Variants in SMG6 observed in about 807,000 individuals in gnomAD.
SMG6 encodes the protein SMG6 nonsense mediated mRNA decay factor, also known as telomerase-binding protein EST1A.
SMG6 carries 66 observed loss-of-function variants against 142.2 expected under a neutral mutation model. That is an observed-to-expected ratio of 0.46 (90% CI 0.38 to 0.57). The LOEUF is 0.57. SMG6 is among the 20% of genes least tolerant of loss of function. The pLI, the probability that SMG6 is intolerant of heterozygous loss-of-function variation, is 0.00. For synonymous variants in SMG6, 779 were observed against 702.4 expected, an observed-to-expected ratio of 1.11 and a Z score of -1.72; for missense variants, 1,793 against 1,832.0, an observed-to-expected ratio of 0.98 and a Z score of 0.39.
chr17:2,282,264 T>A (rs2074803116), intron 8 of SMG6, among the ~76,000 whole-genome samples: 1 of 151,994 alleles, frequency 6.6e-6, no homozygotes, highest in South Asian at 2.1e-4. Flanking sequence ...CAAATCAGAC[T>A]AACTAACCTA....
intron 13 of SMG6, among the ~76,000 whole-genome samples, chr17:2,124,566 TC>T (rs2069810469): frequency 6.6e-6 from 1 of 152,152 alleles, no homozygotes; most frequent in African/African-American, 2.4e-5. Context: ...GGCATCTTCT[TC>T]CTGGAGAGCT....
At chr17:2,300,734 A>G in intron 1 of SMG6, 70 bp from the exon 2 acceptor site, 1 of 1,381,840 alleles carries the variant, frequency 7.2e-7, no homozygotes, top group South Asian at 1.4e-5. Context: ...GATAGGGGAA[A>G]GACTGTCATT....
chr17:2,165,937 C>T (rs947537486), intron 13 of SMG6, among the ~76,000 whole-genome samples: 1 of 151,710 alleles, frequency 6.6e-6, no homozygotes, highest in African/African-American at 2.4e-5. Context: ...AATGGACGGG[C>T]GCGGTGACTC....
intron 13 of SMG6, among the ~76,000 whole-genome samples, chr17:2,153,084 C>G (rs760670844): frequency 6.6e-6 from 1 of 152,240 alleles, no homozygotes; most frequent in African/African-American, 2.4e-5. Context: ...CTCAAGAGCT[C>G]TATATCAAGC....
chr17:2,114,174 G>A (rs2069426594), intron 13 of SMG6, among the ~76,000 whole-genome samples: 1 of 152,160 alleles, frequency 6.6e-6, no homozygotes, highest in Non-Finnish European at 1.5e-5. Flanking sequence ...GGAGGCTGAG[G>A]CAGGAGGATA....
intron 8 of SMG6, among the ~76,000 whole-genome samples, chr17:2,245,589 C>T (rs1317188507): frequency 5.3e-5 from 8 of 152,126 alleles, no homozygotes; most frequent in African/African-American, 9.7e-5. Flanking sequence ...TTTGCCATGT[C>T]GGCCAGGCTG....
intron 16 of SMG6, among the ~76,000 whole-genome samples, chr17:2,067,256 A>C (rs2067978491): frequency 6.6e-6 from 1 of 152,184 alleles, no homozygotes; most frequent in African/African-American, 2.4e-5. Context: ...CCTCAGGGCC[A>C]AGGGCTACAG....
intron 11 of SMG6, 73 bp from the exon 12 acceptor site, chr17:2,186,904 G>A (rs1383926804): frequency 1.2e-5 from 19 of 1,523,132 alleles, no homozygotes; most frequent in Middle Eastern, 3.5e-4. Flanking sequence ...GCGCTGGGAC[G>A]GCAGCAAGCT....
At chr17:2,147,949 T>G (rs1164011699) in intron 13 of SMG6, among the ~76,000 whole-genome samples, 1 of 151,882 alleles carries the variant, frequency 6.6e-6, no homozygotes, top group Non-Finnish European at 1.5e-5. Context: ...TCCCAGTGCT[T>G]TGGGCCGAGG....
Position 2,104,193 on chromosome 17 carries a change from C to T in SMG6, c.3358-18292G>A, listed in dbSNP as rs989235143. Among the ~76,000 whole-genome samples the T allele has an allele frequency of 3.9e-5, 6 of 152,058 alleles. No homozygotes were observed. The South Asian group carries it at 8.3e-4, about 21-fold the overall frequency. On this transcript the variant is annotated intron_variant, in intron 13 of 18. Coordinates refer to ENST00000263073, the MANE Select transcript of SMG6 (RefSeq NM_017575.5). ...GTCTTGATCTCCTGACCTCGTGATC[C>T]GCCCACCTCGGCCTCCCAAAGTGCT...
At chr17:2,252,828 A>T (rs991098855) in intron 8 of SMG6, among the ~76,000 whole-genome samples, 5 of 152,194 alleles carry the variant, frequency 3.3e-5, no homozygotes, top group Admixed American at 3.3e-4. Context: ...TATATCAGAC[A>T]CTGGCAAACT....
In SMG6 at chr17:2,146,776, G is replaced by C. The variant is rs563055994; in HGVS notation, c.3357+25882C>G. On this transcript the variant is annotated intron_variant, in intron 13 of 18. Coordinates refer to ENST00000263073, the MANE Select transcript of SMG6 (RefSeq NM_017575.5). ...AAATTGGGTTTCACCATGTTGACCA[G>C]GCTAGTCTTCAATTCCTGGCCTGAA... is the stretch of plus-strand genomic sequence containing the variant. 2.0e-4 allele frequency among the ~76,000 whole-genome samples: 30 copies of C among 152,266 alleles called. 1 individual carries two copies. The South Asian group carries it at 6.0e-3, about 31-fold the overall frequency.
At chr17:2,282,889 G>A (rs2074821125) in intron 7 of SMG6, 30 bp from the exon 8 acceptor site, 7 of 1,607,360 alleles carry the variant, frequency 4.4e-6, no homozygotes, top group Non-Finnish European at 6.0e-6. Context: ...ATTAGCTCAT[G>A]GCCTGGTGTG....
chr17:2,249,594 G>GA (rs2074002960), intron 8 of SMG6, among the ~76,000 whole-genome samples: 1 of 152,154 alleles, frequency 6.6e-6, no homozygotes, highest in Non-Finnish European at 1.5e-5. Flanking sequence ...AAAGTGCTCA[G>GA]ATCACAGGCG....
At chr17:2,104,109 G>A (rs1270692240) in intron 13 of SMG6, among the ~76,000 whole-genome samples, 4 of 151,846 alleles carry the variant, frequency 2.6e-5, no homozygotes, top group East Asian at 1.9e-4. Flanking sequence ...CCACCACCTC[G>A]CCCGGCTAAT....
chr17:2,109,168 C>T (rs985653010), intron 13 of SMG6, among the ~76,000 whole-genome samples: 1 of 152,152 alleles, frequency 6.6e-6, no homozygotes, highest in Non-Finnish European at 1.5e-5. Context: ...TTAGAGTTGA[C>T]AGTATCTCAT....
intron 12 of SMG6, among the ~76,000 whole-genome samples, chr17:2,181,997 T>C (rs776029240): frequency 3.3e-5 from 5 of 152,094 alleles, no homozygotes; most frequent in Non-Finnish European, 7.4e-5. Flanking sequence ...ACAGGGGCTG[T>C]GTGAATCCTA....
At chr17:2,290,302 A>C (rs2151391511) in intron 6 of SMG6, among the ~76,000 whole-genome samples, 1 of 152,342 alleles carries the variant, frequency 6.6e-6, no homozygotes, top group Non-Finnish European at 1.5e-5. Context: ...GCCAGAAATA[A>C]ACTTATGCAA....
intron 18 of SMG6, among the ~76,000 whole-genome samples, chr17:2,064,771 C>G (rs1482776605): frequency 6.6e-6 from 1 of 151,618 alleles, no homozygotes; most frequent in African/African-American, 2.4e-5. Context: ...TGCTGTCAGA[C>G]GGAACTCACT....
Sources: allele counts gnomAD v4.1 joint callset (sites outside exome capture counted in the v4.1 genomes callset), GRCh38; gene constraint gnomAD v4.1.1; transcripts MANE v1.5; gene names NCBI Gene and HGNC (gene_info 2026-07-23, HGNC 2026-07-21).